Variants in SPAG16 observed in about 807,000 individuals in gnomAD.
The protein encoded by SPAG16 is sperm-associated antigen 16 protein.
SPAG16 carries 86 observed loss-of-function variants against 80.4 expected under a neutral mutation model. That is an observed-to-expected ratio of 1.07 (90% CI 0.90 to 1.28). The LOEUF is 1.28. Among genes scored for constraint, SPAG16 ranks in the 50% most tolerant of loss-of-function variants. The pLI, the probability that SPAG16 is intolerant of heterozygous loss-of-function variation, is 0.00. For synonymous variants in SPAG16, 294 were observed against 265.9 expected (o/e 1.11, Z -1.03); for missense variants, 870 against 765.3 (o/e 1.14, Z -1.61).
intron 15 of SPAG16, among the ~76,000 whole-genome samples, chr2:214,396,103 C>T (rs910586551): frequency 2.0e-5 from 3 of 152,140 alleles, no homozygotes; most frequent in Non-Finnish European, 2.9e-5. Context: ...TGCGACTCAT[C>T]ACACTGCTTT....
rs754013677 is a variant in SPAG16, at chr2:213,862,801, C to A, written c.1214+173C>A. On this transcript the variant is annotated intron_variant, in intron 11 of 15. Transcript: ENST00000331683. ...CCTTTGGTTTTCAGTATATTGACTT[C>A]TGATTGTTTTTGATATTTGGTACAT... Among the ~76,000 whole-genome samples, 79 of 152,136 alleles carry A rather than the reference C, an allele frequency of 5.2e-4. 1 individual carries two copies. Among genetic ancestry groups the A allele is most frequent in the Non-Finnish European group, 1.0e-4 (7 of 68,022 alleles).
chr2:213,834,538 T>C (rs1041208735), intron 10 of SPAG16, among the ~76,000 whole-genome samples: 10 of 152,122 alleles, frequency 6.6e-5, no homozygotes, highest in African/African-American at 2.2e-4. Flanking sequence ...GGAATGAGGA[T>C]TGTATGACTC....
intron 15 of SPAG16, among the ~76,000 whole-genome samples, chr2:214,187,763 T>C (rs192488759): frequency 9.3e-5 from 14 of 151,236 alleles, no homozygotes; most frequent in Non-Finnish European, 1.6e-4. Flanking sequence ...GTTACTCTTA[T>C]AACTCCATAT....
intron 9 of SPAG16, among the ~76,000 whole-genome samples, chr2:213,483,077 A>G (rs772408167): frequency 1.3e-5 from 2 of 152,158 alleles, no homozygotes; most frequent in Non-Finnish European, 2.9e-5. Context: ...TACATATATC[A>G]TTTATATTAA....
At chr2:214,104,235 G>A (rs1042609590) in intron 13 of SPAG16, among the ~76,000 whole-genome samples, 7 of 152,140 alleles carry the variant, frequency 4.6e-5, no homozygotes, top group African/African-American at 1.7e-4. Flanking sequence ...AGGAAGAGTG[G>A]TAAAGGATGA....
chr2:214,233,811 A>G (rs1379906092), intron 15 of SPAG16, among the ~76,000 whole-genome samples: 4 of 152,304 alleles, frequency 2.6e-5, no homozygotes, highest in South Asian at 2.1e-4. Context: ...ATTATGAGGT[A>G]TAATTACCAG....
chr2:213,724,968 C>T (rs114158834), intron 10 of SPAG16, among the ~76,000 whole-genome samples: 27 of 151,978 alleles, frequency 1.8e-4, no homozygotes, highest in Non-Finnish European at 2.1e-4. Context: ...AGTATGCACA[C>T]TCTCAATTTA....
intron 10 of SPAG16, among the ~76,000 whole-genome samples, chr2:213,573,452 C>T (rs1462359326): frequency 3.9e-5 from 6 of 152,184 alleles, no homozygotes; most frequent in Non-Finnish European, 5.9e-5. Flanking sequence ...TTAATCTGTA[C>T]ATGATGGGTA....
At chr2:213,489,491 T>A (rs1040830904) in intron 9 of SPAG16, among the ~76,000 whole-genome samples, 5 of 152,004 alleles carry the variant, frequency 3.3e-5, no homozygotes, top group Non-Finnish European at 7.4e-5. Flanking sequence ...TCCTTAGATT[T>A]AAAAAGAAAA....
chr2:214,061,145 C>T (rs1156562271), intron 13 of SPAG16, among the ~76,000 whole-genome samples: 1 of 152,128 alleles, frequency 6.6e-6, no homozygotes, highest in Non-Finnish European at 1.5e-5. Flanking sequence ...AACGGATCTC[C>T]TGAAGCATTT....
intron 14 of SPAG16, among the ~76,000 whole-genome samples, chr2:214,118,644 A>T (rs1243715309): frequency 6.6e-6 from 1 of 152,110 alleles, no homozygotes; most frequent in Non-Finnish European, 1.5e-5. Flanking sequence ...CTATCACAAG[A>T]ATAGCATGAG....
At chr2:213,924,477 C>CCAGCATG (rs2078371606) in intron 11 of SPAG16, among the ~76,000 whole-genome samples, 1 of 152,126 alleles carries the variant, frequency 6.6e-6, no homozygotes, top group African/African-American at 2.4e-5. Context: ...TTCATGGATC[C>CCAGCATG]CAGCATGGTT....
At chr2:213,880,362 G>A (rs1012761491) in intron 11 of SPAG16, among the ~76,000 whole-genome samples, 1 of 152,116 alleles carries the variant, frequency 6.6e-6, no homozygotes, top group African/African-American at 2.4e-5. Flanking sequence ...GTTCCTTGTA[G>A]ATTCTGTATA....
At chr2:213,609,364 G>T (rs1559305986) in intron 10 of SPAG16, among the ~76,000 whole-genome samples, 5 of 152,152 alleles carry the variant, frequency 3.3e-5, no homozygotes, top group African/African-American at 1.2e-4. Context: ...CTAAAATTCT[G>T]TTTTAAGTAT....
chr2:214,285,483 C>T (rs1286546596), intron 15 of SPAG16, among the ~76,000 whole-genome samples: 9 of 152,060 alleles, frequency 5.9e-5, no homozygotes, highest in South Asian at 2.1e-4. Context: ...GAAAAACTAA[C>T]GAAACCCACT....
chr2:213,758,625 A>G (rs1575055280), intron 10 of SPAG16, among the ~76,000 whole-genome samples: 1 of 152,178 alleles, frequency 6.6e-6, no homozygotes, highest in South Asian at 2.1e-4. Flanking sequence ...ACTTGAAGAT[A>G]GGACAATGGA....
intron 15 of SPAG16, among the ~76,000 whole-genome samples, chr2:214,327,695 A>AT (rs58069845): frequency 0.06 from 8,888 of 149,194 alleles, 729 homozygotes; most frequent in African/African-American, 0.19. Context: ...TAGATATCAA[A>AT]TTTTTTTTTT....
intron 10 of SPAG16, among the ~76,000 whole-genome samples, chr2:213,663,823 A>T (rs1303546074): frequency 6.6e-6 from 1 of 152,110 alleles, no homozygotes; most frequent in Non-Finnish European, 1.5e-5. Flanking sequence ...AAAAACTTTA[A>T]TGGAATAAGA....
At chr2:213,382,769 T>C (rs763001103) in intron 9 of SPAG16, among the ~76,000 whole-genome samples, 3 of 152,236 alleles carry the variant, frequency 2.0e-5, no homozygotes, top group African/African-American at 2.4e-5. Context: ...TGCCACTTCC[T>C]GCTCATCAGA....
Sources: gnomAD v4.1 joint callset for allele counts (sites outside exome capture counted in the v4.1 genomes callset) on GRCh38, gnomAD v4.1.1 for gene constraint, MANE v1.5 for transcripts, NCBI Gene and HGNC (gene_info 2026-07-23, HGNC 2026-07-21) for gene names.